The following LOC128462377 variants were observed in gnomAD, a reference collection of about 807,000 sequenced individuals.
chr16:89,353,537 G>C, the LOC128462377 span, among the ~76,000 whole-genome samples: 20 of 151,294 alleles, frequency 1.3e-4, no homozygotes, highest in Non-Finnish European at 2.2e-4. Flanking sequence ...GAGTACAGTG[G>C]TGCAATCTCG....
the LOC128462377 span, among the ~76,000 whole-genome samples, chr16:89,345,322 A>ACAGAGCTCAGTGCCCC: frequency 7.5e-6 from 1 of 132,988 alleles, no homozygotes; most frequent in Admixed American, 9.1e-5. Flanking sequence ...ACTCGACCCC[A>ACAGAGCTCAGTGCCCC]CAGAGCTCAG....
the LOC128462377 span, among the ~76,000 whole-genome samples, chr16:89,371,602 G>A: frequency 6.6e-6 from 1 of 152,172 alleles, no homozygotes; most frequent in Non-Finnish European, 1.5e-5. Context: ...CCACATTCAA[G>A]GGTGCTGTGC....
At chr16:89,359,631 TTC>T in the LOC128462377 span, among the ~76,000 whole-genome samples, 5 of 152,330 alleles carry the variant, frequency 3.3e-5, no homozygotes, top group South Asian at 8.3e-4. Flanking sequence ...TCATTTCAGC[TTC>T]TTTTACCACG....
chr16:89,395,220 A>G, the LOC128462377 span, among the ~76,000 whole-genome samples: 1 of 152,234 alleles, frequency 6.6e-6, no homozygotes, highest in Non-Finnish European at 1.5e-5. Flanking sequence ...TCTTAACAGA[A>G]AGAATTATGC....
At chr16:89,319,174 T>C in the LOC128462377 span, among the ~76,000 whole-genome samples, 21,403 of 152,300 alleles carry the variant, frequency 0.14, 1,596 homozygotes, top group Admixed American at 0.19. Context: ...TGTGAGTCTG[T>C]GGCCCACGGA....
At chr16:89,384,879 CTTTTTTTTTTT>C in the LOC128462377 span, among the ~76,000 whole-genome samples, 244 of 49,954 alleles carry the variant, frequency 4.9e-3, 2 homozygotes, top group South Asian at 0.064. Flanking sequence ...AAATAGTTTT[CTTTTTTTTTTT>C]TTTTTTTTTT....
At chr16:89,388,517 C>G in the LOC128462377 span, among the ~76,000 whole-genome samples, 2 of 151,950 alleles carry the variant, frequency 1.3e-5, no homozygotes, top group Admixed American at 1.3e-4. Context: ...CTGTCGAACG[C>G]ACACACGTCA....
At chr16:89,414,891 A>C in the LOC128462377 span, among the ~76,000 whole-genome samples, 1 of 152,246 alleles carries the variant, frequency 6.6e-6, no homozygotes, top group African/African-American at 2.4e-5. Flanking sequence ...ATCAAAGTGA[A>C]ACACGGGAAT....
At chr16:89,338,914 C>T in the LOC128462377 span, among the ~76,000 whole-genome samples, 5 of 152,044 alleles carry the variant, frequency 3.3e-5, no homozygotes, top group Non-Finnish European at 5.9e-5. Context: ...AAAAAAATCA[C>T]CCAGATATAA....
chr16:89,408,247 G>A, the LOC128462377 span, among the ~76,000 whole-genome samples: 1 of 152,264 alleles, frequency 6.6e-6, no homozygotes, highest in African/African-American at 2.4e-5. Context: ...TCCCTCAGAA[G>A]CCCAGTTCTC....
the LOC128462377 span, among the ~76,000 whole-genome samples, chr16:89,319,068 T>C: frequency 6.6e-6 from 1 of 152,210 alleles, no homozygotes; most frequent in Non-Finnish European, 1.5e-5. Flanking sequence ...GTTTAAGGAT[T>C]ATCTGGAATT....
the LOC128462377 span, chr16:89,360,887 A>T: frequency 6.6e-6 from 1 of 152,398 alleles, no homozygotes. Context: ...AAGACCTGCA[A>T]ACCTCAACAG....
chr16:89,389,860 A>G, the LOC128462377 span, among the ~76,000 whole-genome samples: 4 of 107,968 alleles, frequency 3.7e-5, no homozygotes, highest in Non-Finnish European at 5.8e-5. Flanking sequence ...CACCGAGAGA[A>G]AGAAGATCAC....
chr16:89,368,831 T>G, the LOC128462377 span, among the ~76,000 whole-genome samples: 2 of 151,876 alleles, frequency 1.3e-5, no homozygotes, highest in Non-Finnish European at 2.9e-5. Flanking sequence ...AGCCAGGAGG[T>G]TGACGCCACA....
At chr16:89,407,505 C>T in the LOC128462377 span, among the ~76,000 whole-genome samples, 2 of 152,138 alleles carry the variant, frequency 1.3e-5, no homozygotes, top group African/African-American at 4.8e-5. Context: ...TGTTGCACGA[C>T]AGCCGCACAC....
chr16:89,384,799 C>G, the LOC128462377 span, among the ~76,000 whole-genome samples: 1 of 151,600 alleles, frequency 6.6e-6, no homozygotes, highest in Non-Finnish European at 1.5e-5. Context: ...CACTAGACAG[C>G]CCAACAACAG....
the LOC128462377 span, among the ~76,000 whole-genome samples, chr16:89,350,224 G>A: frequency 2.0e-5 from 3 of 152,162 alleles, no homozygotes; most frequent in African/African-American, 4.8e-5. Flanking sequence ...CCCATTCAAC[G>A]CTGGTGGGAA....
the LOC128462377 span, among the ~76,000 whole-genome samples, chr16:89,406,729 T>G: frequency 6.6e-6 from 1 of 152,080 alleles, no homozygotes; most frequent in Non-Finnish European, 1.5e-5. Flanking sequence ...CCTCAGTGCC[T>G]CCTTCACGCT....
the LOC128462377 span, among the ~76,000 whole-genome samples, chr16:89,389,037 G>A: frequency 6.6e-6 from 1 of 152,196 alleles, no homozygotes; most frequent in Non-Finnish European, 1.5e-5. Flanking sequence ...CATGGAAGGT[G>A]GAACAATTTG....
Sources: gnomAD v4.1 joint callset for allele counts (sites outside exome capture counted in the v4.1 genomes callset) on GRCh38, gnomAD v4.1.1 for gene constraint, MANE v1.5 for transcripts.